The following CCDC192 variants were observed in gnomAD, a reference collection of about 807,000 sequenced individuals.
The protein encoded by CCDC192 is coiled-coil domain-containing protein 192.
chr5:127,709,471 T>A (rs374405047), intron 2 of CCDC192, among the ~76,000 whole-genome samples: 1 of 152,184 alleles, frequency 6.6e-6, no homozygotes, highest in African/African-American at 2.4e-5. Context: ...CTAAGAATAA[T>A]TGATTCTTTT....
intron 6 of CCDC192, among the ~76,000 whole-genome samples, chr5:127,887,117 A>AGG (rs1752587828): frequency 6.6e-6 from 1 of 151,880 alleles, no homozygotes; most frequent in Non-Finnish European, 1.5e-5. Context: ...CACTTGAGGT[A>AGG]GGGAGTTTGA....
intron 6 of CCDC192, among the ~76,000 whole-genome samples, chr5:127,929,204 AC>A (rs1386936353): frequency 6.6e-6 from 1 of 152,248 alleles, no homozygotes; most frequent in African/African-American, 2.4e-5. Flanking sequence ...TAAATGAACG[AC>A]AAAAATAAGT....
In CCDC192 at chr5:127,877,791, C is replaced by G. The variant is rs558091020; in HGVS notation, c.535+2130C>G. On this transcript the variant is annotated intron_variant, in intron 6 of 6. Coordinates refer to ENST00000514853, the MANE Select transcript of CCDC192 (RefSeq NM_001317938.2). ...GACAATGAGGGCTGGCCCACCCCCC[C>G]ACACACATATTTCTGGACCTAGAAC... 2.6e-4 allele frequency among the ~76,000 whole-genome samples: 40 copies of G among 152,268 alleles called. 1 individual carries two copies. Among genetic ancestry groups the G allele is most frequent in the African/African-American group, 8.9e-4 (37 of 41,556 alleles).
At chr5:127,732,128 A>G (rs545967813) in intron 2 of CCDC192, among the ~76,000 whole-genome samples, 5 of 150,746 alleles carry the variant, frequency 3.3e-5, no homozygotes, top group African/African-American at 1.2e-4. Context: ...TCCAGGATCT[A>G]CAAGGAACTT....
chr5:127,731,620 A>C (rs1426194605), intron 2 of CCDC192, among the ~76,000 whole-genome samples: 1 of 152,246 alleles, frequency 6.6e-6, no homozygotes, highest in African/African-American at 2.4e-5. Context: ...AAACTATACT[A>C]CAAGGCTACA....
chr5:127,938,766 C>G (rs1168114755), intron 6 of CCDC192, among the ~76,000 whole-genome samples: 1 of 152,248 alleles, frequency 6.6e-6, no homozygotes, highest in African/African-American at 2.4e-5. Flanking sequence ...TTTATTCAGA[C>G]TAGCCACATT....
chr5:127,931,163 A>G (rs1754019932), intron 6 of CCDC192, among the ~76,000 whole-genome samples: 2 of 152,066 alleles, frequency 1.3e-5, no homozygotes, highest in African/African-American at 4.8e-5. Flanking sequence ...CTTCCAACCC[A>G]AAGTCCAATC....
chr5:127,746,731 T>G (rs1420455340), intron 2 of CCDC192, among the ~76,000 whole-genome samples: 1 of 151,916 alleles, frequency 6.6e-6, no homozygotes, highest in Non-Finnish European at 1.5e-5. Context: ...ATTCCTCCCC[T>G]AATGGCAAAC....
intron 6 of CCDC192, among the ~76,000 whole-genome samples, chr5:127,888,630 T>C (rs122734): frequency 0.71 from 107,703 of 152,014 alleles, 38,499 homozygotes; most frequent in African/African-American, 0.81. Flanking sequence ...CTAAGTGTCA[T>C]GTAGTCATAG....
chr5:127,904,546 A>G (rs561406048), intron 6 of CCDC192, among the ~76,000 whole-genome samples: 2 of 133,984 alleles, frequency 1.5e-5, no homozygotes, highest in South Asian at 4.9e-4. Context: ...TCTGTTGCCC[A>G]GGCTGGAATG....
chr5:127,799,659 A>G (rs1414035890), intron 5 of CCDC192, among the ~76,000 whole-genome samples: 2 of 152,196 alleles, frequency 1.3e-5, no homozygotes, highest in Non-Finnish European at 2.9e-5. Context: ...GAAAAAAGCC[A>G]TAGTTCCTGG....
intron 6 of CCDC192, among the ~76,000 whole-genome samples, chr5:127,940,226 C>G (rs932521217): frequency 6.6e-6 from 1 of 152,130 alleles, no homozygotes; most frequent in African/African-American, 2.4e-5. Flanking sequence ...AAAGGATAAG[C>G]TTTCATGTCC....
At chr5:127,928,923 C>T (rs1475889018) in intron 6 of CCDC192, among the ~76,000 whole-genome samples, 7 of 152,046 alleles carry the variant, frequency 4.6e-5, no homozygotes, top group Non-Finnish European at 1.0e-4. Context: ...CTTGCCACCA[C>T]GCCCAGCTAG....
At chr5:127,815,853 G>A (rs528183973) in intron 5 of CCDC192, among the ~76,000 whole-genome samples, 180 of 151,832 alleles carry the variant, frequency 1.2e-3, no homozygotes, top group Non-Finnish European at 1.9e-3. Context: ...GGGCAACAGA[G>A]CGAGACTCTG....
rs532129004 is a variant in CCDC192, at chr5:127,869,559, A to G, written c.412-5979A>G. Among the ~76,000 whole-genome samples, 3 of 152,336 alleles carry G rather than the reference A, an allele frequency of 2.0e-5. No individual in the cohort carries two copies. In the South Asian group the frequency reaches 6.2e-4, roughly 32 times the overall value. ...TATCACTGGAATTCATCCCAAGTGTAAGGTTATCCCTTTATCTTGTATTAA... is the reference window on the plus strand; with the variant it reads ...TATCACTGGAATTCATCCCAAGTGTGAGGTTATCCCTTTATCTTGTATTAA... On this transcript the variant is annotated intron_variant, in intron 5 of 6. Coordinates refer to ENST00000514853, the MANE Select transcript of CCDC192 (RefSeq NM_001317938.2).
At position 127,826,473 on chromosome 5, in the gene CCDC192, A is replaced by G. The variant is rs114501120; in HGVS notation, c.411+28311A>G. ...AGAAAACCAATCTTTCTACTGAGAAAACATGTAGGTTCATCACAGCACTAT... is the reference window on the plus strand; with the variant it reads ...AGAAAACCAATCTTTCTACTGAGAAGACATGTAGGTTCATCACAGCACTAT... On this transcript the variant is annotated intron_variant, in intron 5 of 6. Transcript: ENST00000514853. 4.4e-3 allele frequency among the ~76,000 whole-genome samples: 663 copies of G among 152,002 alleles called. 3 individuals are homozygous for G. The highest frequency in any genetic ancestry group is 0.016 in the African/African-American group (643 of 41,430).
At chr5:127,723,596 CT>C (rs954698172) in intron 2 of CCDC192, among the ~76,000 whole-genome samples, 7 of 152,286 alleles carry the variant, frequency 4.6e-5, no homozygotes, top group African/African-American at 1.7e-4. Context: ...CTTTTCAAAA[CT>C]GTTTAAAATT....
chr5:127,745,921 A>G (rs1369420544), intron 2 of CCDC192, among the ~76,000 whole-genome samples: 1 of 152,250 alleles, frequency 6.6e-6, no homozygotes, highest in Non-Finnish European at 1.5e-5. Context: ...ACAACTGAAC[A>G]CATCTAACTT....
chr5:127,912,361 A>G (rs1301605312), intron 6 of CCDC192, among the ~76,000 whole-genome samples: 1 of 140,858 alleles, frequency 7.1e-6, no homozygotes, highest in Non-Finnish European at 1.5e-5. Context: ...ACAGAGTACA[A>G]CAATGGGTTG....
Sources: gnomAD v4.1 joint callset for allele counts (sites outside exome capture counted in the v4.1 genomes callset) on GRCh38, gnomAD v4.1.1 for gene constraint, MANE v1.5 for transcripts, NCBI Gene and HGNC (gene_info 2026-07-23, HGNC 2026-07-21) for gene names.